The following KBTBD11 variants were observed in gnomAD, a reference collection of about 807,000 sequenced individuals.
KBTBD11 encodes the protein kelch repeat and BTB domain containing 11, also known as kelch repeat and BTB domain-containing protein 11.
For missense variants in KBTBD11, 1,390 were observed against 1,001.8 expected (o/e 1.39, Z -5.23); for synonymous variants, 747 against 499.0 (o/e 1.50, Z -6.63).
In KBTBD11 at chr8:1,974,044, G is replaced by A. The variant is rs1370749843; in HGVS notation, c.-909+109G>A. On this transcript the variant is annotated intron_variant, in intron 1 of 1. Coordinates refer to ENST00000320248, the MANE Select transcript of KBTBD11 (RefSeq NM_014867.3). ...GGGTGGGAGGTGGTCGGCGAGAGCGGCAGTAGGCGGGAGGGGAGAAAAGGG... is the reference window on the plus strand; with the variant it reads ...GGGTGGGAGGTGGTCGGCGAGAGCGACAGTAGGCGGGAGGGGAGAAAAGGG... 18 of 929,490 alleles carry A rather than the reference G, an allele frequency of 1.9e-5. No homozygotes were observed. The African/African-American group carries it at 3.1e-4, about 16-fold the overall frequency. 57.6% of individuals were successfully genotyped at this position (929,490 alleles called of 1,614,324 possible). A position where few individuals can be genotyped will look rare whatever the true frequency, so the allele number is the denominator to read the frequency against.
Position 2,002,999 on chromosome 8 carries a change from G to C in KBTBD11, c.1807G>C (p.Val603Leu), listed in dbSNP as rs1817455483. 1 of 1,303,472 alleles carries C rather than the reference G, an allele frequency of 7.7e-7. No homozygotes were observed. Among genetic ancestry groups the C allele is most frequent in the African/African-American group, 1.5e-5 (1 of 64,806 alleles). 80.7% of individuals were successfully genotyped at this position (1,303,472 alleles called of 1,614,324 possible). ...GGGCGCCCCCTTGGACGTCCGGGGT[G>C]TGCTCATCCCGTTCGCTCTCAGCCT... ...ALGAPLDVRG[V>L]LIPFALSLPE... The change falls in exon 2 of 2, where the codon GTG becomes CTG. Residue 603 changes from valine (V) to leucine (L), a missense_variant. Val to Leu is a conservative substitution (Grantham distance 32, BLOSUM62 1). Coordinates refer to ENST00000320248, the MANE Select transcript of KBTBD11 (RefSeq NM_014867.3). This position sits in a 1 kb window ranked among gnomAD's most constrained non-coding sequence, Gnocchi z 4.1.
chr8:2,001,947 G>C lies in KBTBD11; in HGVS notation c.755G>C (p.Arg252Pro). The C allele has an allele frequency of 6.8e-7, 1 of 1,474,372 alleles. No homozygotes were observed. Among genetic ancestry groups the C allele is most frequent in the Non-Finnish European group, 9.0e-7 (1 of 1,109,898 alleles). The allele number at this position is 1,474,372 out of a possible 1,614,324, so 91.3% of individuals were successfully genotyped here. Residue 252 changes from arginine to proline, a missense_variant, in exon 2 of 2, where the codon CGC (arginine) becomes CCC (proline). Transcript: ENST00000320248. ...AAGCGGCAGCGGCTGAACGAGCTGCGCGACGCCGCCTACTGCTTCATGAGC... is the reference window on the plus strand; with the variant it reads ...AAGCGGCAGCGGCTGAACGAGCTGCCCGACGCCGCCTACTGCTTCATGAGC... ...AAKRQRLNEL[R>P]DAAYCFMSDH...
rs143843165 is a variant in KBTBD11, at chr8:1,981,985, C to G, written c.-909+8050C>G. On this transcript the variant is annotated intron_variant, in intron 1 of 1. Transcript: ENST00000320248. ...AGCCAGTTCCCCTAGCAAATCCCCT[C>G]TCATCTACCGGTCTATCTAGCCTTT... is the stretch of plus-strand genomic sequence containing the variant. Among the ~76,000 whole-genome samples the G allele has an allele frequency of 1.1e-4, 17 of 152,324 alleles. No homozygotes were observed. The East Asian group carries it at 3.1e-3, about 28-fold the overall frequency.
At chr8:1,983,133 A>T (rs1040857035) in intron 1 of KBTBD11, among the ~76,000 whole-genome samples, 1 of 152,196 alleles carries the variant, frequency 6.6e-6, no homozygotes, top group Admixed American at 6.5e-5. Flanking sequence ...GCTAGAGGCC[A>T]TGAGTTGGAT....
chr8:2,002,299 C>G lies in KBTBD11; in HGVS notation c.1107C>G (p.Pro369=). The change falls in exon 2 of 2, where the codon CCC becomes CCG. Residue 369 remains proline, a synonymous_variant. Coordinates refer to ENST00000320248, the MANE Select transcript of KBTBD11 (RefSeq NM_014867.3). The surrounding 1 kb of genome is among the most constrained non-coding windows in gnomAD (Gnocchi z 4.1). ...NYLFVAGGVA[P]AGPDGRARPS... ...TCTTCGTGGCGGGCGGCGTGGCGCCCGCGGGCCCCGACGGCCGCGCGCGCC... is the reference window on the plus strand; with the variant it reads ...TCTTCGTGGCGGGCGGCGTGGCGCCGGCGGGCCCCGACGGCCGCGCGCGCC... 7.5e-7 allele frequency: 1 copy of G among 1,339,800 alleles called. No individual in the cohort carries two copies. The highest frequency in any genetic ancestry group is 9.5e-7 in the Non-Finnish European group (1 of 1,054,914). The allele number at this position is 1,339,800 out of a possible 1,614,324, so 83.0% of individuals were successfully genotyped here. A position where few individuals can be genotyped will look rare whatever the true frequency, so the allele number is the denominator to read the frequency against.
Position 2,002,167 on chromosome 8 carries a change from G to T in KBTBD11, c.975G>T (p.Ala325=). 8.3e-7 allele frequency: 1 copy of T among 1,207,464 alleles called. No individual in the cohort carries two copies. Among genetic ancestry groups the T allele is most frequent in the Non-Finnish European group, 1.0e-6 (1 of 974,660 alleles). The allele number at this position is 1,207,464 out of a possible 1,614,324, so 74.8% of individuals were successfully genotyped here. A position where few individuals can be genotyped will look rare whatever the true frequency, so the allele number is the denominator to read the frequency against. The change falls in exon 2 of 2, where the codon GCG becomes GCT. Residue 325 remains alanine, a synonymous_variant. Transcript: ENST00000320248. This position sits in a 1 kb window ranked among gnomAD's most constrained non-coding sequence, Gnocchi z 4.1. The part of the protein sequence containing the change: ...PSGDADARGD[A]AVYCFHAAAG... ...GGGACGCGGACGCGCGCGGGGACGC[G>T]GCCGTCTACTGCTTCCACGCGGCGG...
chr8:1,997,877 C>G (rs1208496478), intron 1 of KBTBD11, among the ~76,000 whole-genome samples: 1 of 152,204 alleles, frequency 6.6e-6, no homozygotes, highest in East Asian at 1.9e-4. Flanking sequence ...GCGGCAACGA[C>G]AGAATACGAT....
chr8:2,001,992 TGC>T lies in KBTBD11; in HGVS notation c.804_805del (p.Glu269AlafsTer182), dbSNP rs1173410766. On this transcript the variant is annotated frameshift_variant, in exon 2 of 2. Transcript: ENST00000320248. LOFTEE classifies it low-confidence loss of function (END_TRUNC). ...ATGAGCGACCACTATCTGGAGGTGC[TGC>T]GCGAGCCCGCCGTGTTCGGCCGCCT... is the stretch of plus-strand genomic sequence containing the variant. The T allele has an allele frequency of 8.4e-6, 12 of 1,430,108 alleles. No individual in the cohort carries two copies. Among genetic ancestry groups the T allele is most frequent in the Non-Finnish European group, 1.1e-5 (12 of 1,085,446 alleles). The allele number at this position is 1,430,108 out of a possible 1,614,324, so 88.6% of individuals were successfully genotyped here. A position where few individuals can be genotyped will look rare whatever the true frequency, so the allele number is the denominator to read the frequency against.
chr8:2,003,124 G>A lies in KBTBD11; in HGVS notation c.*60G>A. Reference sequence around the variant, plus strand: ...GGTTTGCGGGGCCCAGGTCCCTTTGGGCCCGCGGAGGAGGACGTGGTGGGG... The same window carrying A: ...GGTTTGCGGGGCCCAGGTCCCTTTGAGCCCGCGGAGGAGGACGTGGTGGGG... On this transcript the variant is annotated 3_prime_UTR_variant, in exon 2 of 2. Transcript: ENST00000320248. 2.4e-6 allele frequency: 3 copies of A among 1,250,812 alleles called. No homozygotes were observed. The highest frequency in any genetic ancestry group is 3.0e-6 in the Non-Finnish European group (3 of 990,724). 77.5% of individuals were successfully genotyped at this position (1,250,812 alleles called of 1,614,324 possible).
intron 1 of KBTBD11, among the ~76,000 whole-genome samples, chr8:1,985,023 C>G (rs1585730517): frequency 6.6e-6 from 1 of 152,216 alleles, no homozygotes; most frequent in African/African-American, 2.4e-5. Flanking sequence ...ATTGCATTCT[C>G]ATGCTCTAAG....
rs553351358 is a variant in KBTBD11, at chr8:2,003,077, G to C, written c.*13G>C. 1.5e-5 allele frequency: 19 copies of C among 1,258,502 alleles called. No individual in the cohort carries two copies. The Admixed American group carries it at 6.3e-4, about 42-fold the overall frequency. 78.0% of individuals were successfully genotyped at this position (1,258,502 alleles called of 1,614,324 possible). The stretch of plus-strand genomic sequence containing the variant: ...GGGCGCCCCGTAGGCCGGCGGGGTC[G>C]GCGGGCGTCTCCCTCGGCAGGGGTT... On this transcript the variant is annotated 3_prime_UTR_variant, in exon 2 of 2. Transcript: ENST00000320248.
At chr8:1,984,126 T>C (rs538970883) in intron 1 of KBTBD11, among the ~76,000 whole-genome samples, 1 of 150,732 alleles carries the variant, frequency 6.6e-6, no homozygotes, top group East Asian at 2.0e-4. Flanking sequence ...CTGAAAAAAA[T>C]TTAGAAAAAT....
At chr8:1,998,367 G>A (rs1216703325) in intron 1 of KBTBD11, among the ~76,000 whole-genome samples, 1 of 152,160 alleles carries the variant, frequency 6.6e-6, no homozygotes, top group Non-Finnish European at 1.5e-5. Context: ...TTGCTTAATT[G>A]TAGTTATAAC....
At chr8:1,976,937 G>C (rs1258605587) in intron 1 of KBTBD11, among the ~76,000 whole-genome samples, 1 of 152,164 alleles carries the variant, frequency 6.6e-6, no homozygotes, top group Non-Finnish European at 1.5e-5. Flanking sequence ...TGTAATGTCA[G>C]CCGATTTTAT....
intron 1 of KBTBD11, chr8:1,975,154 C>T (rs535754640): frequency 1.1e-3 from 164 of 152,370 alleles, no homozygotes; most frequent in African/African-American, 3.7e-3. Context: ...CAGCAACAAC[C>T]TCGTGTGTGC....
intron 1 of KBTBD11, chr8:1,974,259 T>G (rs2129306376): frequency 1.0e-6 from 1 of 975,810 alleles, no homozygotes; most frequent in South Asian, 4.7e-5. Flanking sequence ...TCGCGGGGTC[T>G]CCACAGGCCC....
At chr8:1,988,549 C>T (rs1816775289) in intron 1 of KBTBD11, among the ~76,000 whole-genome samples, 1 of 152,224 alleles carries the variant, frequency 6.6e-6, no homozygotes, top group South Asian at 2.1e-4. Context: ...AGTGTCTGTT[C>T]ATATCCTTTG....
chr8:1,985,537 C>T (rs1182462740), intron 1 of KBTBD11, among the ~76,000 whole-genome samples: 9 of 152,260 alleles, frequency 5.9e-5, no homozygotes, highest in Admixed American at 2.6e-4. Context: ...TGCCATGTGG[C>T]GTTTACCAAG....
At chr8:1,980,549 C>A (rs1047858583) in intron 1 of KBTBD11, among the ~76,000 whole-genome samples, 1 of 152,236 alleles carries the variant, frequency 6.6e-6, no homozygotes, top group Non-Finnish European at 1.5e-5. Context: ...TTAAAATGAG[C>A]TCCATGAAGC....
Sources: allele counts gnomAD v4.1 joint callset (sites outside exome capture counted in the v4.1 genomes callset), GRCh38; gene constraint gnomAD v4.1.1; non-coding constraint Gnocchi (gnomAD v3.1); transcripts MANE v1.5; gene names NCBI Gene and HGNC (gene_info 2026-07-23, HGNC 2026-07-21).